Variants in GPATCH8 observed in about 807,000 individuals in gnomAD.
The protein encoded by GPATCH8 is G patch domain-containing protein 8.
GPATCH8 carries 18 observed loss-of-function variants against 118.3 expected under a neutral mutation model. The ratio of observed to expected loss-of-function variants is 0.15; its 90% CI spans 0.11 to 0.23. GPATCH8 has a LOEUF of 0.23. Ranked by LOEUF, GPATCH8 falls within the 10% of genes least tolerant of loss-of-function variation. GPATCH8 has a pLI of 1.00. For missense variants in GPATCH8, 1,631 were observed against 1,873.8 expected, an observed-to-expected ratio of 0.87 and a Z score of 2.39; for synonymous variants, 659 against 684.7, an observed-to-expected ratio of 0.96 and a Z score of 0.59.
At chr17:44,464,653 A>G (rs906082530) in intron 2 of GPATCH8, 109 bp from the exon 3 acceptor site, 61 of 780,718 alleles carry the variant, frequency 7.8e-5, no homozygotes, top group Non-Finnish European at 8.4e-5. Context: ...ACATATATGC[A>G]TGCAAAAAGG....
At position 44,454,718 on chromosome 17, in the gene GPATCH8, C is replaced by T. The variant is rs117682388; in HGVS notation, c.193+9754G>A. Among the ~76,000 whole-genome samples the T allele has an allele frequency of 1.4e-4, 22 of 152,224 alleles. No individual in the cohort carries two copies. In the East Asian group the frequency reaches 3.7e-3, roughly 25 times the overall value. ...GACTGCAGGGGTGAGCCACCACATC[C>T]GGTCCTTTCCTTTTCTGTTTTATCC... On this transcript the variant is annotated intron_variant, in intron 3 of 7. Transcript: ENST00000591680.
At chr17:44,430,928 G>A (rs939063436) in intron 5 of GPATCH8, among the ~76,000 whole-genome samples, 2 of 151,314 alleles carry the variant, frequency 1.3e-5, no homozygotes, top group Non-Finnish European at 2.9e-5. Flanking sequence ...TGGGATTACA[G>A]GTGTGAGCCA....
Position 44,484,174 on chromosome 17 carries a change from G to A in GPATCH8, c.46-9271C>T, listed in dbSNP as rs181178840. Among the ~76,000 whole-genome samples, 1,256 of 151,510 alleles carry A rather than the reference G, an allele frequency of 8.3e-3. 5 individuals carry two copies. Among genetic ancestry groups the A allele is most frequent in the Non-Finnish European group, 0.013 (872 of 67,854 alleles). ...ATTTATTTATTTTTTAGCAGAAACA[G>A]GGTTTCGCCATGTTGGCCAGGCTAG... On this transcript the variant is annotated intron_variant, in intron 1 of 7. Transcript: ENST00000591680.
At chr17:44,440,880 T>C (rs2050667260) in intron 3 of GPATCH8, among the ~76,000 whole-genome samples, 1 of 152,152 alleles carries the variant, frequency 6.6e-6, no homozygotes, top group Non-Finnish European at 1.5e-5. Flanking sequence ...AGATGGCGTC[T>C]CACTCCGTCA....
At chr17:44,458,917 T>C (rs1048031665) in intron 3 of GPATCH8, among the ~76,000 whole-genome samples, 6 of 152,234 alleles carry the variant, frequency 3.9e-5, no homozygotes, top group African/African-American at 1.4e-4. Flanking sequence ...ATTCTACCAT[T>C]GTTCATCCTA....
chr17:44,469,077 G>T (rs748813802), intron 2 of GPATCH8, among the ~76,000 whole-genome samples: 3 of 151,952 alleles, frequency 2.0e-5, no homozygotes, highest in Non-Finnish European at 4.4e-5. Flanking sequence ...ACCTCAGTTG[G>T]CCTTTTTTTC....
chr17:44,445,249 G>T (rs1018668596), intron 3 of GPATCH8, among the ~76,000 whole-genome samples: 9 of 152,120 alleles, frequency 5.9e-5, no homozygotes, highest in Non-Finnish European at 1.3e-4. Context: ...TTAAAAAACT[G>T]AATTGGAAAG....
At chr17:44,486,269 T>C (rs1968775427) in intron 1 of GPATCH8, 1 of 152,214 alleles carries the variant, frequency 6.6e-6, no homozygotes, top group Non-Finnish European at 1.5e-5. Context: ...TTTCTTTTCT[T>C]TCTTTTCTTT....
At chr17:44,487,961 T>C (rs9905790) in intron 1 of GPATCH8, among the ~76,000 whole-genome samples, 85,100 of 143,206 alleles carry the variant, frequency 0.59, 25,659 homozygotes, top group Middle Eastern at 0.65. Flanking sequence ...CTCGCTCTGT[T>C]ACCCAGGCTG....
intron 6 of GPATCH8, among the ~76,000 whole-genome samples, chr17:44,413,489 T>C (rs1424458721): frequency 2.0e-5 from 3 of 152,120 alleles, no homozygotes. Context: ...CCCAAATTCT[T>C]TTTTTTCCTT....
chr17:44,433,453 G>A (rs2050389888), intron 5 of GPATCH8, among the ~76,000 whole-genome samples: 1 of 152,168 alleles, frequency 6.6e-6, no homozygotes, highest in Non-Finnish European at 1.5e-5. Context: ...AGTACAGAAA[G>A]CAGAATATAA....
chr17:44,462,726 T>TA (rs1327184204), intron 3 of GPATCH8, among the ~76,000 whole-genome samples: 1 of 152,092 alleles, frequency 6.6e-6, no homozygotes, highest in African/African-American at 2.4e-5. Flanking sequence ...CTCACACCTA[T>TA]AATCCCAGCA....
chr17:44,432,744 G>A (rs938614547), intron 5 of GPATCH8, among the ~76,000 whole-genome samples: 5 of 152,062 alleles, frequency 3.3e-5, no homozygotes, highest in Non-Finnish European at 7.3e-5. Context: ...ATAAAGGAGT[G>A]ACAGCAGGAA....
chr17:44,400,699 CACTA>C lies in GPATCH8; in HGVS notation c.1374_1377del (p.Ser459LysfsTer11), dbSNP rs748631863. On this transcript the variant is annotated frameshift_variant, in exon 8 of 8. Coordinates refer to ENST00000591680, the MANE Select transcript of GPATCH8 (RefSeq NM_001002909.4). LOFTEE classifies it high-confidence loss of function. ...GTTTCCTTCGGCTGCTCAGAGACTT[CACTA>C]ACTGTCTTTTCTGCTCCTTGGCTTG... 4 of 1,611,024 alleles carry C rather than the reference CACTA, an allele frequency of 2.5e-6. No individual in the cohort carries two copies. The highest frequency in any genetic ancestry group is 3.4e-6 in the Non-Finnish European group (4 of 1,178,154).
At chr17:44,485,214 C>T (rs1968680813) in intron 1 of GPATCH8, among the ~76,000 whole-genome samples, 1 of 152,136 alleles carries the variant, frequency 6.6e-6, no homozygotes, top group Non-Finnish European at 1.5e-5. Flanking sequence ...AGTGATTCTC[C>T]CACTTCAGCC....
At chr17:44,421,889 G>A (rs2049918936) in intron 6 of GPATCH8, among the ~76,000 whole-genome samples, 1 of 151,606 alleles carries the variant, frequency 6.6e-6, no homozygotes, top group Admixed American at 6.6e-5. Context: ...ACCATGCCTG[G>A]CTAATTTTTG....
intron 1 of GPATCH8, among the ~76,000 whole-genome samples, 197 bp downstream of exon 1, chr17:44,503,129 G>A (rs539872714): frequency 2.0e-5 from 3 of 152,320 alleles, no homozygotes; most frequent in Non-Finnish European, 2.9e-5. Flanking sequence ...AGTTTCAGGG[G>A]TAAGAGAATG....
intron 3 of GPATCH8, among the ~76,000 whole-genome samples, chr17:44,451,269 T>A (rs2051102284): frequency 6.6e-6 from 1 of 152,152 alleles, no homozygotes; most frequent in Admixed American, 6.6e-5. Flanking sequence ...AATTTTTGTA[T>A]ATTTTGGTAG....
chr17:44,487,010 A>G (rs913876474), intron 1 of GPATCH8, among the ~76,000 whole-genome samples: 1 of 152,248 alleles, frequency 6.6e-6, no homozygotes, highest in African/African-American at 2.4e-5. Flanking sequence ...ACACATCATT[A>G]TCAGCCAAAG....
Sources: allele counts gnomAD v4.1 joint callset (sites outside exome capture counted in the v4.1 genomes callset), GRCh38; gene constraint gnomAD v4.1.1; transcripts MANE v1.5; gene names NCBI Gene and HGNC (gene_info 2026-07-23, HGNC 2026-07-21).